Variants in SCAF8 observed in about 807,000 individuals in gnomAD.
The protein encoded by SCAF8 is SR-related and CTD-associated factor 8.
A neutral mutation model predicts 140.5 loss-of-function variants in SCAF8; 23 were observed. That is an observed-to-expected ratio of 0.16 (90% CI 0.12 to 0.23). SCAF8 has a LOEUF of 0.23. Ranked by LOEUF, SCAF8 falls within the 10% of genes least tolerant of loss-of-function variation. The pLI is 1.00. For missense variants in SCAF8, 1,397 were observed against 1,555.7 expected (o/e 0.90, Z 1.72); for synonymous variants, 575 against 528.9 (o/e 1.09, Z -1.20).
chr6:154,760,950 A>AT (rs1009038280), intron 1 of SCAF8, among the ~76,000 whole-genome samples: 12 of 151,338 alleles, frequency 7.9e-5, no homozygotes, highest in Middle Eastern at 3.4e-3. Context: ...TGTCCCATTG[A>AT]TTTTTTTCTT....
chr6:154,751,069 C>G (rs950349519), intron 1 of SCAF8, among the ~76,000 whole-genome samples: 43 of 152,072 alleles, frequency 2.8e-4, no homozygotes, highest in African/African-American at 1.0e-3. Flanking sequence ...GTTTTGTTTT[C>G]TCCCATGGAG....
chr6:154,818,822 G>A (rs920088915), intron 14 of SCAF8, among the ~76,000 whole-genome samples: 2 of 152,104 alleles, frequency 1.3e-5, no homozygotes, highest in African/African-American at 2.4e-5. Flanking sequence ...GTCCAATAAC[G>A]AGAACTTTAG....
chr6:154,747,896 C>CTATGTGTGTGTG (rs3221130), intron 1 of SCAF8, among the ~76,000 whole-genome samples: 23 of 144,736 alleles, frequency 1.6e-4, no homozygotes, highest in African/African-American at 5.0e-4. Flanking sequence ...CATTTCATTT[C>CTATGTGTGTGTG]TGTGTGTGTG....
chr6:154,738,957 T>G (rs929902699), intron 1 of SCAF8, among the ~76,000 whole-genome samples: 2 of 152,152 alleles, frequency 1.3e-5, no homozygotes, highest in Non-Finnish European at 2.9e-5. Context: ...ATTCTTTCCT[T>G]TAGTTTGAGA....
At position 154,827,191 on chromosome 6, in the gene SCAF8, T is replaced by C. The variant is rs1165406275; in HGVS notation, c.2091T>C (p.Val697=). The change falls in exon 18 of 20, where the codon GTT becomes GTC. Residue 697 remains valine, a synonymous_variant. Transcript: ENST00000367178. ...GTCTAGGTTTCATGCCGCCTCCAGT[T>C]CCCCCACCTGTTGTGCCACCCCCTA... is the stretch of plus-strand genomic sequence containing the variant. ...QPPPGFMPPP[V]PPPVVPPPTI... is the part of the protein sequence containing the mutation. 1.2e-6 allele frequency: 2 copies of C among 1,605,068 alleles called. No homozygotes were observed. The highest frequency in any genetic ancestry group is 3.4e-5 in the Admixed American group (2 of 58,366).
chr6:154,803,928 A>C (rs1234832285), intron 8 of SCAF8, among the ~76,000 whole-genome samples: 1 of 152,192 alleles, frequency 6.6e-6, no homozygotes, highest in Non-Finnish European at 1.5e-5. Flanking sequence ...AGTGGTTGGA[A>C]TACTAGGAAT....
chr6:154,827,222 C>A lies in SCAF8; in HGVS notation c.2122C>A (p.Pro708Thr). 6.2e-7 allele frequency: 1 copy of A among 1,603,234 alleles called. No homozygotes were observed. The highest frequency in any genetic ancestry group is 8.5e-7 in the Non-Finnish European group (1 of 1,175,248). ...PPPVVPPPTI[P>T]PVVPTSLVQP... ...ACCTGTTGTGCCACCCCCTACGATT[C>A]CACCAGTAGTACCAACATGTAAGTT... Residue 708 changes from proline to threonine, a missense_variant, in exon 18 of 20, where the codon CCA (proline) becomes ACA (threonine). This residue lies in a region of SCAF8 where 930 missense variants were observed against 874.6 expected (regional missense o/e 1.06). Transcript: ENST00000367178.
chr6:154,787,800 T>A, intron 3 of SCAF8, 61 bp from the exon 4 acceptor site: 1 of 1,396,632 alleles, frequency 7.2e-7, no homozygotes, highest in Non-Finnish European at 9.9e-7. Context: ...TGATGATTTT[T>A]GTCTATCAAG....
chr6:154,785,913 A>G (rs770960537), intron 3 of SCAF8, among the ~76,000 whole-genome samples: 2 of 152,216 alleles, frequency 1.3e-5, no homozygotes. Context: ...AATATAGTTG[A>G]AAAATGGTAT....
Position 154,832,670 on chromosome 6 carries a change from C to T in SCAF8, c.3091C>T (p.Pro1031Ser). 6 of 1,614,012 alleles carry T rather than the reference C, an allele frequency of 3.7e-6. No homozygotes were observed. The highest frequency in any genetic ancestry group is 5.1e-6 in the Non-Finnish European group (6 of 1,179,962). The change falls in exon 20 of 20, where the codon CCC becomes TCC. Residue 1031 changes from proline to serine, a missense_variant. Pro to Ser is a moderately conservative substitution (Grantham distance 74). Transcript: ENST00000367178. ...AACCAGGGAAAGCATTAGTAGACCTCCCCCTGTGGATGTTAGAGATGTGGT... is the reference window on the plus strand; with the variant it reads ...AACCAGGGAAAGCATTAGTAGACCTTCCCCTGTGGATGTTAGAGATGTGGT... ...IETRESISRPPPVDVRDVVGR... is the reference protein window; with the variant it reads ...IETRESISRPSPVDVRDVVGR...
chr6:154,744,738 A>AT (rs1310348797), intron 1 of SCAF8, among the ~76,000 whole-genome samples: 1 of 152,178 alleles, frequency 6.6e-6, no homozygotes, highest in Non-Finnish European at 1.5e-5. Context: ...ATACAAATTT[A>AT]TTTTTTCCTC....
chr6:154,827,834 C>CT (rs1394368279), intron 18 of SCAF8, among the ~76,000 whole-genome samples: 1 of 81,308 alleles, frequency 1.2e-5, no homozygotes, highest in Non-Finnish European at 2.5e-5. Flanking sequence ...TGGGGCGGGG[C>CT]GGGGGGGGGG....
chr6:154,759,418 C>T (rs1376470105), intron 1 of SCAF8, among the ~76,000 whole-genome samples: 2 of 152,066 alleles, frequency 1.3e-5, no homozygotes, highest in Admixed American at 6.5e-5. Context: ...AAATAGATCT[C>T]TTCTTTTTTA....
intron 7 of SCAF8, 52 bp downstream of exon 7, chr6:154,802,199 A>G: frequency 9.3e-7 from 1 of 1,079,452 alleles, no homozygotes; most frequent in Non-Finnish European, 1.3e-6. Flanking sequence ...AATATTATAT[A>G]CTATCATGGA....
intron 11 of SCAF8, among the ~76,000 whole-genome samples, chr6:154,809,450 T>C (rs1778022576): frequency 6.6e-6 from 1 of 152,178 alleles, no homozygotes; most frequent in Non-Finnish European, 1.5e-5. Flanking sequence ...ACCCACCGCG[T>C]ATCACTGAAT....
At position 154,802,907 on chromosome 6, in the gene SCAF8, ATAAT is replaced by A. The variant is rs371084430; in HGVS notation, c.784-633_784-630del. ...TAATAAGTTGATGCCTAAATTATTA[ATAAT>A]TAAAGTGTTTCTAAAACTTAAAATC... is the stretch of plus-strand genomic sequence containing the variant. On this transcript the variant is annotated intron_variant, in intron 7 of 19. Coordinates refer to ENST00000367178, the MANE Select transcript of SCAF8 (RefSeq NM_014892.5). 5.1e-3 allele frequency among the ~76,000 whole-genome samples: 778 copies of A among 152,338 alleles called. 6 individuals are homozygous for A. The highest frequency in any genetic ancestry group is 0.018 in the African/African-American group (745 of 41,584).
chr6:154,830,486 A>T (rs575767007), intron 18 of SCAF8, among the ~76,000 whole-genome samples: 47 of 152,294 alleles, frequency 3.1e-4, no homozygotes, highest in African/African-American at 1.1e-3. Context: ...TTCTAACTTC[A>T]TCTGACAAAA....
chr6:154,833,326 GAA>G lies in SCAF8; in HGVS notation c.3748_3749del (p.Lys1250GlufsTer2). On this transcript the variant is annotated frameshift_variant, in exon 20 of 20. Transcript: ENST00000367178. LOFTEE classifies it high-confidence loss of function. Reference sequence around the variant, plus strand: ...CATCTTCAAATGAAATAAACAAGGAGAAGAGTGACACAGTTGCTGATATAGAA... The same window carrying G: ...CATCTTCAAATGAAATAAACAAGGAGGAGTGACACAGTTGCTGATATAGAA... ...LTSSNEINKE[K>X]SDTVADIESE... is the part of the protein sequence containing the mutation. 6.2e-7 allele frequency: 1 copy of G among 1,613,954 alleles called. No individual in the cohort carries two copies. Among genetic ancestry groups the G allele is most frequent in the Non-Finnish European group, 8.5e-7 (1 of 1,179,950 alleles).
intron 1 of SCAF8, among the ~76,000 whole-genome samples, chr6:154,756,259 A>G (rs1210690627): frequency 6.6e-6 from 1 of 152,196 alleles, no homozygotes; most frequent in African/African-American, 2.4e-5. Context: ...TTTAATACAT[A>G]TATTTTGAAT....
Sources: allele counts gnomAD v4.1 joint callset (sites outside exome capture counted in the v4.1 genomes callset), GRCh38; gene constraint gnomAD v4.1.1; regional missense constraint gnomAD v4.1.1; transcripts MANE v1.5; gene names NCBI Gene and HGNC (gene_info 2026-07-23, HGNC 2026-07-21).